The following MYO18B variants were observed in gnomAD, a reference collection of about 807,000 sequenced individuals.
MYO18B encodes the protein unconventional myosin-XVIIIb.
A neutral mutation model predicts 273.0 loss-of-function variants in MYO18B; 204 were observed. That is an observed-to-expected ratio of 0.75 (90% CI 0.67 to 0.84). MYO18B has a LOEUF of 0.84. Among genes scored for constraint, MYO18B ranks in the 40% least tolerant of loss-of-function variants. The probability of loss-of-function intolerance (pLI) is 0.00; values close to 1 mark genes in which losing one functional copy is unlikely to be tolerated. For synonymous variants in MYO18B, 1,330 were observed against 1,305.7 expected, an observed-to-expected ratio of 1.02 and a Z score of -0.40; for missense variants, 3,212 against 3,287.6, an observed-to-expected ratio of 0.98 and a Z score of 0.56.
intron 25 of MYO18B, among the ~76,000 whole-genome samples, chr22:25,885,070 A>G (rs2091457752): frequency 6.6e-6 from 1 of 152,228 alleles, no homozygotes; most frequent in Non-Finnish European, 1.5e-5. Context: ...AAAGCATTCA[A>G]TGCAAATTCA....
rs137861448 is a variant in MYO18B at position 25,800,314 on chromosome 22, C to G, written c.2521+2217C>G. On this transcript the variant is annotated intron_variant, in intron 12 of 43. Transcript: ENST00000335473. ...ACTTGACCAAAAACCACCTGTACCC[C>G]CAAAATGATTGGAAAAAAAATCAGC... Among the ~76,000 whole-genome samples the G allele has an allele frequency of 5.6e-4, 85 of 152,284 alleles. No individual in the cohort carries two copies. The East Asian group carries it at 0.015, about 26-fold the overall frequency.
intron 17 of MYO18B, among the ~76,000 whole-genome samples, chr22:25,835,811 A>G (rs1171418837): frequency 6.6e-6 from 1 of 152,238 alleles, no homozygotes; most frequent in African/African-American, 2.4e-5. Context: ...GTGCAGATGC[A>G]TCTAACAGAG....
chr22:25,811,304 T>C (rs935352453), intron 12 of MYO18B, among the ~76,000 whole-genome samples: 1 of 152,100 alleles, frequency 6.6e-6, no homozygotes, highest in East Asian at 1.9e-4. Context: ...ATTACAGGCA[T>C]GAGCCACCGC....
At position 25,883,508 on chromosome 22, in the gene MYO18B, G is replaced by T. The variant is rs2091406309; in HGVS notation, c.4314+5460G>T. The T allele has an allele frequency of 6.6e-6, 1 of 152,200 alleles. No homozygotes were observed. The highest frequency in any genetic ancestry group is 2.4e-5 in the African/African-American group (1 of 41,434). The allele number at this position is 152,200 out of a possible 1,614,324, so 9.4% of individuals were successfully genotyped here. A position where few individuals can be genotyped will look rare whatever the true frequency, so the allele number is the denominator to read the frequency against. Reference sequence around the variant, plus strand: ...TTTCTAACATGCTAGAGTGCTAAAGGTGCCTGTCCTGGGACCACACTTTGA... The same window carrying T: ...TTTCTAACATGCTAGAGTGCTAAAGTTGCCTGTCCTGGGACCACACTTTGA... On this transcript the variant is annotated intron_variant, in intron 25 of 43. Coordinates refer to ENST00000335473, the MANE Select transcript of MYO18B (RefSeq NM_032608.7). This position sits in a 1 kb window ranked among gnomAD's most constrained non-coding sequence, Gnocchi z 7.6.
the MYO18B span, among the ~76,000 whole-genome samples, chr22:26,053,477 T>C: frequency 6.6e-6 from 1 of 152,228 alleles, no homozygotes. Flanking sequence ...CAAAAGCCCA[T>C]GCTTGAATCC....
chr22:25,795,890 G>A (rs1225003948), intron 11 of MYO18B, among the ~76,000 whole-genome samples: 1 of 152,200 alleles, frequency 6.6e-6, no homozygotes, highest in Non-Finnish European at 1.5e-5. Context: ...ATCAGTTCAA[G>A]AATCAGAAAA....
downstream of MYO18B, among the ~76,000 whole-genome samples, chr22:26,031,713 G>C (rs933615142): frequency 1.1e-4 from 16 of 152,184 alleles, no homozygotes; most frequent in African/African-American, 3.6e-4. Context: ...ATCCTCACTA[G>C]AGACTCTGGG....
intron 11 of MYO18B, among the ~76,000 whole-genome samples, chr22:25,790,445 G>A (rs929156177): frequency 3.3e-5 from 5 of 152,064 alleles, no homozygotes; most frequent in African/African-American, 9.7e-5. Context: ...TCCAGTTATC[G>A]TCTTTCCTGT....
At chr22:25,854,268 A>G (rs9624920) in intron 21 of MYO18B, among the ~76,000 whole-genome samples, 37,999 of 148,686 alleles carry the variant, frequency 0.26, 5,236 homozygotes, top group Admixed American at 0.32. Flanking sequence ...CAAAAATAGC[A>G]TATGTCTTTT....
chr22:26,049,162 T>C, the MYO18B span, among the ~76,000 whole-genome samples: 4 of 152,230 alleles, frequency 2.6e-5, no homozygotes, highest in Non-Finnish European at 5.9e-5. Flanking sequence ...TGCCCCCAGC[T>C]GTCAAACAGT....
At chr22:25,936,278 G>A (rs1016667162) in intron 34 of MYO18B, among the ~76,000 whole-genome samples, 10 of 152,192 alleles carry the variant, frequency 6.6e-5, no homozygotes, top group Non-Finnish European at 1.3e-4. Flanking sequence ...AGGAAGTCAG[G>A]ATAGAAGCTT....
chr22:25,986,532 T>G (rs2093204358), intron 39 of MYO18B, among the ~76,000 whole-genome samples: 1 of 152,246 alleles, frequency 6.6e-6, no homozygotes, highest in Admixed American at 6.5e-5. Flanking sequence ...TAAAATATTT[T>G]GAACATTTAG....
intron 19 of MYO18B, among the ~76,000 whole-genome samples, chr22:25,847,065 T>A (rs2090269847): frequency 7.1e-6 from 1 of 140,842 alleles, no homozygotes; most frequent in Non-Finnish European, 1.5e-5. Flanking sequence ...GGCAACGGAG[T>A]GAGACTCTGT....
At chr22:25,853,663 A>G (rs2090487719) in intron 21 of MYO18B, among the ~76,000 whole-genome samples, 1 of 151,596 alleles carries the variant, frequency 6.6e-6, no homozygotes, top group South Asian at 2.1e-4. Context: ...GGTGTGGGGG[A>G]GTTTTTTTGT....
At chr22:25,781,679 G>A in intron 9 of MYO18B, 55 bp from the exon 10 acceptor site, 2 of 1,163,844 alleles carry the variant, frequency 1.7e-6, no homozygotes, top group Non-Finnish European at 1.2e-6. Flanking sequence ...TGCACTTCAG[G>A]CATGTGCAGA....
chr22:26,016,927 T>C lies in MYO18B; in HGVS notation c.6471-9518T>C, dbSNP rs149346356. The stretch of plus-strand genomic sequence containing the variant: ...TGAGTGAAAATGTTTGTTTGTGTGT[T>C]TTTTCTTTAAATATAGAATAATGGT... On this transcript the variant is annotated intron_variant, in intron 42 of 43. Transcript: ENST00000335473. Among the ~76,000 whole-genome samples the C allele has an allele frequency of 5.3e-3, 808 of 152,282 alleles. 2 individuals are homozygous for C. Among genetic ancestry groups the C allele is most frequent in the Non-Finnish European group, 8.6e-3 (588 of 68,012 alleles).
At chr22:26,061,068 AG>A in the MYO18B span, among the ~76,000 whole-genome samples, 1 of 152,076 alleles carries the variant, frequency 6.6e-6, no homozygotes, top group Non-Finnish European at 1.5e-5. Context: ...AACCTTCTGT[AG>A]CCCCAGCTAC....
chr22:25,838,462 A>C (rs2089972963), intron 17 of MYO18B, among the ~76,000 whole-genome samples: 1 of 152,214 alleles, frequency 6.6e-6, no homozygotes, highest in Non-Finnish European at 1.5e-5. Flanking sequence ...GGCCTCCCAA[A>C]GTGCTAGGAT....
rs369886795 is a variant in MYO18B, at chr22:25,769,250, C to A, written c.1334C>A (p.Ala445Glu). 1.8e-4 allele frequency: 286 copies of A among 1,595,436 alleles called. No individual in the cohort carries two copies. The highest frequency in any genetic ancestry group is 2.3e-4 in the Non-Finnish European group (271 of 1,171,422). ...GGWPGSRGQE[A>E]EEPCSRAGDG... is the part of the protein sequence containing the mutation. ...TGGCCAGGAAGCCGTGGGCAGGAAGCAGAGGAGCCCTGCTCAAGAGCAGGT... is the reference window on the plus strand; with the variant it reads ...TGGCCAGGAAGCCGTGGGCAGGAAGAAGAGGAGCCCTGCTCAAGAGCAGGT... Residue 445 changes from alanine (A) to glutamate (E), a missense_variant, in exon 4 of 44, where the codon GCA becomes GAA. By Grantham distance (107) the Ala-to-Glu change is moderately radical. Coordinates refer to ENST00000335473, the MANE Select transcript of MYO18B (RefSeq NM_032608.7).
Sources: allele counts gnomAD v4.1 joint callset (sites outside exome capture counted in the v4.1 genomes callset), GRCh38; gene constraint gnomAD v4.1.1; non-coding constraint Gnocchi (gnomAD v3.1); transcripts MANE v1.5; gene names NCBI Gene and HGNC (gene_info 2026-07-23, HGNC 2026-07-21).